Variants in ELOVL6 observed in about 807,000 individuals in gnomAD.
ELOVL6 encodes the protein very long chain fatty acid elongase 6.
In ELOVL6, 8 loss-of-function variants were observed where a neutral mutation model predicts 31.7. The observed-to-expected ratio is 0.25, with a 90% CI of 0.15 to 0.45. The LOEUF (loss-of-function observed/expected upper bound fraction) is 0.45. Among genes scored for constraint, ELOVL6 ranks in the 20% least tolerant of loss-of-function variants. The pLI, the probability that ELOVL6 is intolerant of heterozygous loss-of-function variation, is 1.00. For missense variants in ELOVL6, 126 were observed against 326.4 expected, an observed-to-expected ratio of 0.39 and a Z score of 4.73; for synonymous variants, 101 against 117.7, an observed-to-expected ratio of 0.86 and a Z score of 0.92.
chr4:110,068,994 T>C (rs562748235), intron 2 of ELOVL6, among the ~76,000 whole-genome samples: 1 of 151,976 alleles, frequency 6.6e-6, no homozygotes, highest in South Asian at 2.1e-4. Context: ...ACACAAAAAT[T>C]AGCTGGGCGT....
At chr4:110,056,512 G>A (rs1258751540) in intron 3 of ELOVL6, among the ~76,000 whole-genome samples, 2 of 149,922 alleles carry the variant, frequency 1.3e-5, no homozygotes, top group South Asian at 2.1e-4. Context: ...AGTATTTGAA[G>A]AACAATATCC....
chr4:110,090,170 G>A (rs757505807), intron 2 of ELOVL6, among the ~76,000 whole-genome samples: 4 of 152,124 alleles, frequency 2.6e-5, no homozygotes, highest in Admixed American at 6.6e-5. Context: ...GCATTATACC[G>A]AAACATAAAA....
intron 2 of ELOVL6, among the ~76,000 whole-genome samples, chr4:110,098,637 A>G (rs1756658887): frequency 6.6e-6 from 1 of 152,096 alleles, no homozygotes; most frequent in African/African-American, 2.4e-5. Flanking sequence ...CTTTTACTAC[A>G]TATATATTCA....
Position 110,172,670 on chromosome 4 carries a change from G to A in ELOVL6, c.89+25577C>T, listed in dbSNP as rs568882929. Among the ~76,000 whole-genome samples, 18 of 152,280 alleles carry A rather than the reference G, an allele frequency of 1.2e-4. No homozygotes were observed. In the South Asian group the frequency reaches 2.7e-3, roughly 23 times the overall value. On this transcript the variant is annotated intron_variant, in intron 1 of 3. Transcript: ENST00000302274. ...GTGAATACCCTTCTTCTTAAGAAAC[G>A]TCTTTTTGAGATCTGATTTTACTTA...
In ELOVL6 at chr4:110,049,469, A is replaced by C. The variant is rs2126217785; in HGVS notation, c.*1869T>G. ...AAGCCCTTGCCATCTCTGACAGAAA[A>C]GCAGAGCAGCTCTGTTTCATGAACG... is the stretch of plus-strand genomic sequence containing the variant. On this transcript the variant is annotated 3_prime_UTR_variant, in exon 4 of 4. Transcript: ENST00000302274. 1 of 152,758 alleles carries C rather than the reference A, an allele frequency of 6.5e-6. No individual in the cohort carries two copies. The highest frequency in any genetic ancestry group is 2.1e-4 in the South Asian group (1 of 4,824). The allele number at this position is 152,758 out of a possible 1,614,324, so 9.5% of individuals were successfully genotyped here. A position where few individuals can be genotyped will look rare whatever the true frequency, so the allele number is the denominator to read the frequency against.
chr4:110,119,960 A>G (rs946252708), intron 1 of ELOVL6, among the ~76,000 whole-genome samples: 3 of 152,230 alleles, frequency 2.0e-5, no homozygotes, highest in Non-Finnish European at 2.9e-5. Context: ...ATTCCCAGAA[A>G]AGAGATTCTC....
intron 3 of ELOVL6, among the ~76,000 whole-genome samples, chr4:110,056,122 T>TGGGGGG (rs145744279): frequency 8.1e-6 from 1 of 123,192 alleles, no homozygotes; most frequent in Non-Finnish European, 1.7e-5. Flanking sequence ...TTGTGGGAGC[T>TGGGGGG]GGGGGGGGGG....
At chr4:110,144,290 G>T (rs904343402) in intron 1 of ELOVL6, among the ~76,000 whole-genome samples, 1 of 151,880 alleles carries the variant, frequency 6.6e-6, no homozygotes, top group Non-Finnish European at 1.5e-5. Flanking sequence ...CCTTATCTTG[G>T]TACTTTTACA....
rs535926287 is a variant in ELOVL6 at position 110,065,130 on chromosome 4, G to T, written c.222-5376C>A. 3.9e-5 allele frequency among the ~76,000 whole-genome samples: 6 copies of T among 152,270 alleles called. No individual in the cohort carries two copies. In the South Asian group the frequency reaches 1.2e-3, roughly 32 times the overall value. On this transcript the variant is annotated intron_variant, in intron 2 of 3. Transcript: ENST00000302274. ...TATAACAAAAACAATAGAAACAGTG[G>T]CACTGAAGAGCTGAAGGGTATGTAT...
At chr4:110,114,329 T>C (rs1757118119) in intron 1 of ELOVL6, among the ~76,000 whole-genome samples, 1 of 152,178 alleles carries the variant, frequency 6.6e-6, no homozygotes, top group Non-Finnish European at 1.5e-5. Flanking sequence ...CAGTCAAAGC[T>C]GTAGGCATTT....
At chr4:110,196,073 G>A (rs919493228) in intron 1 of ELOVL6, among the ~76,000 whole-genome samples, 1 of 152,194 alleles carries the variant, frequency 6.6e-6, no homozygotes, top group Non-Finnish European at 1.5e-5. Context: ...GGAGAGAAGA[G>A]GCGGGAAATG....
At chr4:110,193,228 T>C (rs1380972625) in intron 1 of ELOVL6, among the ~76,000 whole-genome samples, 2 of 152,250 alleles carry the variant, frequency 1.3e-5, no homozygotes, top group African/African-American at 4.8e-5. Context: ...TAGTGCTTTT[T>C]ATGTTCTTTA....
chr4:110,082,244 GTA>G (rs1308713748), intron 2 of ELOVL6, among the ~76,000 whole-genome samples: 1 of 151,878 alleles, frequency 6.6e-6, no homozygotes, highest in Non-Finnish European at 1.5e-5. Flanking sequence ...CCATTACTGG[GTA>G]TATACCCAAA....
chr4:110,132,095 GC>G (rs1441752168), intron 1 of ELOVL6, among the ~76,000 whole-genome samples: 21 of 152,158 alleles, frequency 1.4e-4, no homozygotes, highest in African/African-American at 4.8e-4. Context: ...ATTAAGATAA[GC>G]TTGTATCTTG....
intron 2 of ELOVL6, among the ~76,000 whole-genome samples, chr4:110,081,058 G>C (rs1289310276): frequency 6.6e-6 from 1 of 152,084 alleles, no homozygotes; most frequent in East Asian, 1.9e-4. Context: ...CCTCTTCAAG[G>C]AGAACTACAA....
chr4:110,158,640 T>TATATAC (rs1358513400), intron 1 of ELOVL6, among the ~76,000 whole-genome samples: 1 of 94,980 alleles, frequency 1.1e-5, no homozygotes, highest in Non-Finnish European at 1.9e-5. Context: ...CACGTGTATA[T>TATATAC]ATATATATAT....
chr4:110,192,233 A>T (rs1214763986), intron 1 of ELOVL6, among the ~76,000 whole-genome samples: 1 of 152,038 alleles, frequency 6.6e-6, no homozygotes, highest in East Asian at 1.9e-4. Context: ...AGAAAAAGAA[A>T]GATTCTTCTT....
intron 1 of ELOVL6, among the ~76,000 whole-genome samples, chr4:110,133,532 T>C (rs1286500415): frequency 6.6e-6 from 1 of 152,136 alleles, no homozygotes; most frequent in African/African-American, 2.4e-5. Context: ...TTTGGGAAGA[T>C]GAGGCTTGCG....
intron 2 of ELOVL6, among the ~76,000 whole-genome samples, chr4:110,063,291 G>A (rs905086322): frequency 1.3e-5 from 2 of 152,116 alleles, no homozygotes; most frequent in East Asian, 1.9e-4. Flanking sequence ...TGTCATTCTC[G>A]AAGTACTTCT....
Sources: gnomAD v4.1 joint callset for allele counts (sites outside exome capture counted in the v4.1 genomes callset) on GRCh38, gnomAD v4.1.1 for gene constraint, MANE v1.5 for transcripts, NCBI Gene and HGNC (gene_info 2026-07-23, HGNC 2026-07-21) for gene names.